MUC6: variants seen among roughly 807,000 people sequenced by gnomAD.
MUC6 encodes the protein mucin 6, oligomeric mucus/gel-forming (gene/pseudogene), also known as mucin-6.
In MUC6, 188 loss-of-function variants were observed where a neutral mutation model predicts 201.5. That is an observed-to-expected ratio of 0.93 (90% CI 0.83 to 1.05). The LOEUF is 1.05. Among genes scored for constraint, MUC6 ranks in the 50% least tolerant of loss-of-function variants. The pLI, the probability that MUC6 is intolerant of heterozygous loss-of-function variation, is 0.00. For synonymous variants in MUC6, 1,228 were observed against 1,389.4 expected, an observed-to-expected ratio of 0.88 and a Z score of 2.58; for missense variants, 2,706 against 3,256.9, an observed-to-expected ratio of 0.83 and a Z score of 4.12.
intron 12 of MUC6, 27 bp from the exon 13 acceptor site, chr11:1,028,810 G>A (rs184753662): frequency 3.6e-4 from 576 of 1,609,018 alleles, no homozygotes; most frequent in Non-Finnish European, 3.1e-4. Context: ...TCAGTGGGCC[G>A]TCTGGGCTCC....
Position 1,018,230 on chromosome 11 carries a change from G to A in MUC6, c.4571C>T (p.Ser1524Leu), listed in dbSNP as rs569402231. 1.3e-5 allele frequency: 21 copies of A among 1,613,870 alleles called. No individual in the cohort carries two copies. The highest frequency in any genetic ancestry group is 3.3e-5 in the Admixed American group (2 of 60,028). ...TGTGGAGGAAGTGTGTGAATGTAGC[G>A]AGGTAGGTGTTTTGTTTGTGCTGAA... is the stretch of plus-strand genomic sequence containing the variant. Reference protein sequence around the residue: ...SSFSTNKTPTSLHSHTSSTHH... With the variant: ...SSFSTNKTPTLLHSHTSSTHH... Residue 1524 changes from serine to leucine, a missense_variant, in exon 31 of 33, where the codon TCG (serine) becomes TTG (leucine). Around this residue, in one of 10 missense-constraint regions of MUC6, gnomAD observed 128 missense variants for 206.5 expected, o/e 0.62. Transcript: ENST00000421673.
chr11:1,023,504 G>A lies in MUC6; in HGVS notation c.3526+5C>T, dbSNP rs749098789. The A allele has an allele frequency of 1.6e-5, 25 of 1,571,554 alleles. No individual in the cohort carries two copies. The highest frequency in any genetic ancestry group is 1.9e-5 in the Non-Finnish European group (22 of 1,158,232). On this transcript the variant is annotated splice_donor_5th_base_variant and intron_variant, in intron 26 of 32. Coordinates refer to ENST00000421673, the MANE Select transcript of MUC6 (RefSeq NM_005961.3). ...TATCTGCGTTGCCTCCCGGTCACCTGGCACCTTCGATGTTGCTGCCTGGGA... is the reference window on the plus strand; with the variant it reads ...TATCTGCGTTGCCTCCCGGTCACCTAGCACCTTCGATGTTGCTGCCTGGGA...
chr11:1,033,858 G>A lies in MUC6; in HGVS notation c.53-783C>T, dbSNP rs991872759. The stretch of plus-strand genomic sequence containing the variant: ...CCCCCGATGTCTGAGTGGTGGTGCG[G>A]CACCTGAGCAGGACCCGTGACCTCT... On this transcript the variant is annotated intron_variant, in intron 1 of 32. Transcript: ENST00000421673. The surrounding 1 kb of genome is among the most constrained non-coding windows in gnomAD (Gnocchi z 5.6). Among the ~76,000 whole-genome samples, 25 of 152,006 alleles carry A rather than the reference G, an allele frequency of 1.6e-4. No individual in the cohort carries two copies. Among genetic ancestry groups the A allele is most frequent in the African/African-American group, 5.8e-4 (24 of 41,404 alleles).
chr11:1,036,714 C>A lies in MUC6; in HGVS notation c.-59G>T, dbSNP rs1048305781. On this transcript the variant is annotated 5_prime_UTR_variant, in exon 1 of 33. Coordinates refer to ENST00000421673, the MANE Select transcript of MUC6 (RefSeq NM_005961.3). ...GGCAGGCCTGCTGCTGCCATCCATGCGGCTCCAACGGCCGGTCCTGGGTGC... is the reference window on the plus strand; with the variant it reads ...GGCAGGCCTGCTGCTGCCATCCATGAGGCTCCAACGGCCGGTCCTGGGTGC... 4.6e-6 allele frequency: 7 copies of A among 1,514,172 alleles called. No individual in the cohort carries two copies. The highest frequency in any genetic ancestry group is 6.2e-6 in the Non-Finnish European group (7 of 1,125,330). 93.8% of individuals were successfully genotyped at this position (1,514,172 alleles called of 1,614,324 possible). A position where few individuals can be genotyped will look rare whatever the true frequency, so the allele number is the denominator to read the frequency against.
At position 1,024,668 on chromosome 11, in the gene MUC6, C is replaced by T. The variant is rs771851675; in HGVS notation, c.3225+176G>A. Among the ~76,000 whole-genome samples the T allele has an allele frequency of 4.5e-4, 68 of 152,304 alleles. No individual in the cohort carries two copies. In the Middle Eastern group the frequency reaches 0.014, roughly 30 times the overall value. ...TGCTTAACAGCCACAGTGCACGAGT[C>T]GGCCCCACATCAGGGCCCTGCACTC... On this transcript the variant is annotated intron_variant, in intron 24 of 32. Coordinates refer to ENST00000421673, the MANE Select transcript of MUC6 (RefSeq NM_005961.3).
chr11:1,032,734 ATG>A (rs1397313153), intron 2 of MUC6, among the ~76,000 whole-genome samples: 2 of 144,766 alleles, frequency 1.4e-5, no homozygotes, highest in Admixed American at 1.4e-4. Context: ...GTGTGTGTGC[ATG>A]TGTGTTGGGT....
In MUC6 at chr11:1,023,513, G is replaced by A. The variant is rs267602668; in HGVS notation, c.3522C>T (p.Ile1174=). Residue 1174 remains isoleucine (I), a synonymous_variant, in exon 26 of 33, where the codon ATC becomes ATT. Coordinates refer to ENST00000421673, the MANE Select transcript of MUC6 (RefSeq NM_005961.3). The part of the protein sequence containing the change: ...SQPQSVPGSN[I]EGCYNCSQDE... The stretch of plus-strand genomic sequence containing the variant: ...TGCCTCCCGGTCACCTGGCACCTTC[G>A]ATGTTGCTGCCTGGGACGCTCTGTG... 7.6e-5 allele frequency: 120 copies of A among 1,580,922 alleles called. 2 individuals carry two copies. In the South Asian group the frequency reaches 1.2e-3, roughly 16 times the overall value.
chr11:1,023,765 C>G, intron 25 of MUC6, 113 bp from the exon 26 acceptor site: 2 of 1,491,210 alleles, frequency 1.3e-6, no homozygotes, highest in Non-Finnish European at 1.8e-6. Flanking sequence ...AAGGTCTGGG[C>G]CCTCTTGGTG....
At chr11:1,020,457 C>T (rs1020605505) in intron 28 of MUC6, among the ~76,000 whole-genome samples, 200 bp from the exon 29 acceptor site, 2 of 152,120 alleles carry the variant, frequency 1.3e-5, no homozygotes, top group African/African-American at 4.8e-5. Context: ...CCTGTTGAGG[C>T]CCCACTCTGT....
Position 1,031,221 on chromosome 11 carries a change from C to T in MUC6, c.522G>A (p.Gly174=), listed in dbSNP as rs745547411. The part of the protein sequence containing the change: ...VERKYMGQMC[G]LCGNFDGKVT... ...CCTTCCCGTCAAAGTTCCCGCAGAGCCCGCACATCTGACCCATGTACTTCC... is the reference window on the plus strand; with the variant it reads ...CCTTCCCGTCAAAGTTCCCGCAGAGTCCGCACATCTGACCCATGTACTTCC... The change falls in exon 5 of 33, where the codon GGG becomes GGA. Residue 174 remains glycine, a synonymous_variant. Transcript: ENST00000421673. 4 of 1,588,118 alleles carry T rather than the reference C, an allele frequency of 2.5e-6. No individual in the cohort carries two copies. Among genetic ancestry groups the T allele is most frequent in the African/African-American group, 2.7e-5 (2 of 73,948 alleles).
chr11:1,018,836 C>T (rs745792167), intron 30 of MUC6, 66 bp from the exon 31 acceptor site: 15 of 1,509,164 alleles, frequency 9.9e-6, no homozygotes, highest in Middle Eastern at 1.8e-4. Flanking sequence ...TCCGCTGGCC[C>T]GTCCTTTTGT....
At chr11:1,035,155 C>G (rs2133840465) in intron 1 of MUC6, among the ~76,000 whole-genome samples, 2 of 152,376 alleles carry the variant, frequency 1.3e-5, no homozygotes, top group Middle Eastern at 6.8e-3. Context: ...CGACCCCACA[C>G]TCTGCTGGCT....
rs1857101622 is a variant in MUC6 at position 1,031,404 on chromosome 11, C to G, written c.484-145G>C. The G allele has an allele frequency of 1.0e-5, 12 of 1,167,448 alleles. No homozygotes were observed. The South Asian group carries it at 1.9e-4, about 18-fold the overall frequency. 72.3% of individuals were successfully genotyped at this position (1,167,448 alleles called of 1,614,324 possible). On this transcript the variant is annotated intron_variant, in intron 4 of 32. Transcript: ENST00000421673. ...CCTCTTCTTATGGGAGGCTAATTTT[C>G]CAGTGGAGAAGCCGAGTCACCCACA...
rs543009588 is a variant in MUC6 at position 1,027,765 on chromosome 11, G to C, written c.1901C>G (p.Ala634Gly). 7 of 1,610,376 alleles carry C rather than the reference G, an allele frequency of 4.3e-6. No homozygotes were observed. The highest frequency in any genetic ancestry group is 5.1e-6 in the Non-Finnish European group (6 of 1,179,032). ...GGCGTGTACGTAGTCGCCCAGGGCGGCACAGATGTGGGGAAAGGTCTCCTC... is the reference window on the plus strand; with the variant it reads ...GGCGTGTACGTAGTCGCCCAGGGCGCCACAGATGTGGGGAAAGGTCTCCTC... ...NYEETFPHIC[A>G]ALGDYVHACS... The change falls in exon 16 of 33, where the codon GCC (alanine) becomes GGC (glycine). Residue 634 changes from alanine to glycine, a missense_variant. Coordinates refer to ENST00000421673, the MANE Select transcript of MUC6 (RefSeq NM_005961.3).
chr11:1,035,254 G>A (rs1218860210), intron 1 of MUC6, among the ~76,000 whole-genome samples: 1 of 152,222 alleles, frequency 6.6e-6, no homozygotes, highest in African/African-American at 2.4e-5. Flanking sequence ...TCCACCCTCT[G>A]CACTGCCCAC....
chr11:1,013,552 C>A lies in MUC6; in HGVS notation c.7224G>T (p.Leu2408=). 6.3e-7 allele frequency: 1 copy of A among 1,575,572 alleles called. No homozygotes were observed. The highest frequency in any genetic ancestry group is 1.2e-5 in the South Asian group (1 of 85,708). ...PLHSYEQQLE[L]PCPDPSTPGR... Reference sequence around the variant, plus strand: ...CAGGCGTGCTGGGATCGGGGCAGGGCAGCTCCAGCTGCTGCTCATAGGAGT... The same window carrying A: ...CAGGCGTGCTGGGATCGGGGCAGGGAAGCTCCAGCTGCTGCTCATAGGAGT... Residue 2408 remains leucine (L), a synonymous_variant, in exon 33 of 33, where the codon CTG becomes CTT. Transcript: ENST00000421673.
In MUC6 at chr11:1,032,008, G is replaced by C. The variant is rs1394688586; in HGVS notation, c.161C>G (p.Ser54Cys). The part of the protein sequence containing the change: ...QCSTWGAGHF[S>C]TFDHHVYDFS... ...GTCGTACACGTGGTGGTCGAAGGTG[G>C]AGAAGTGACCAGCCCCCCACGTGGA... Residue 54 changes from serine to cysteine, a missense_variant, in exon 3 of 33, where the codon TCC becomes TGC. Coordinates refer to ENST00000421673, the MANE Select transcript of MUC6 (RefSeq NM_005961.3). The C allele has an allele frequency of 1.2e-6, 2 of 1,613,378 alleles. No homozygotes were observed. Among genetic ancestry groups the C allele is most frequent in the Non-Finnish European group, 1.7e-6 (2 of 1,179,876 alleles).
chr11:1,021,810 C>T (rs553338225), intron 26 of MUC6, among the ~76,000 whole-genome samples: 87 of 152,194 alleles, frequency 5.7e-4, no homozygotes, highest in African/African-American at 2.1e-3. Context: ...TTCTGTGCTC[C>T]CCGATGCAGG....
Position 1,013,612 on chromosome 11 carries a change from C to T in MUC6, c.7164G>A (p.Gln2388=). ...GGCAGCAGCTGCAGCGGGCATCCACCTGCTGGGTGATGATGTTGAAGCTGC... is the reference window on the plus strand; with the variant it reads ...GGCAGCAGCTGCAGCGGGCATCCACTTGCTGGGTGATGATGTTGAAGCTGC... ...SAASFNIITQ[Q]VDARCSCCRP... Residue 2388 remains glutamine, a synonymous_variant, in exon 33 of 33, where the codon CAG becomes CAA. Coordinates refer to ENST00000421673, the MANE Select transcript of MUC6 (RefSeq NM_005961.3). 1 of 1,564,450 alleles carries T rather than the reference C, an allele frequency of 6.4e-7. No individual in the cohort carries two copies. Among genetic ancestry groups the T allele is most frequent in the Non-Finnish European group, 8.7e-7 (1 of 1,155,818 alleles).
Sources: allele counts gnomAD v4.1 joint callset (sites outside exome capture counted in the v4.1 genomes callset), GRCh38; gene constraint gnomAD v4.1.1; regional missense constraint gnomAD v4.1.1; non-coding constraint Gnocchi (gnomAD v3.1); transcripts MANE v1.5; gene names NCBI Gene and HGNC (gene_info 2026-07-23, HGNC 2026-07-21).